B3GLCT: variants seen among roughly 807,000 people sequenced by gnomAD.
B3GLCT encodes the protein beta-1,3-glucosyltransferase.
Under a neutral mutation model 63.4 loss-of-function variants are expected in B3GLCT, and 65 were observed. The ratio of observed to expected loss-of-function variants is 1.03; its 90% confidence interval spans 0.84 to 1.26. The LOEUF is 1.26. Ranked by LOEUF, B3GLCT falls within the 50% of genes most tolerant of loss-of-function variation. The pLI, the probability that B3GLCT is intolerant of heterozygous loss-of-function variation, is 0.00. For synonymous variants in B3GLCT, 233 were observed against 219.2 expected (o/e 1.06, Z -0.55); for missense variants, 577 against 604.8 (o/e 0.95, Z 0.48).
chr13:31,326,475 G>A (rs1875630326), intron 14 of B3GLCT, among the ~76,000 whole-genome samples: 1 of 151,774 alleles, frequency 6.6e-6, no homozygotes, highest in Non-Finnish European at 1.5e-5. Context: ...GTAGAGACGG[G>A]ATTTCATGTG....
Position 31,253,618 on chromosome 13 carries a change from A to AAAAAAAAAAAAACAAAC in B3GLCT, c.459+5655_459+5656insAAAAAAAAACAAACAAA, listed in dbSNP as rs1555249042. Among the ~76,000 whole-genome samples the AAAAAAAAAAAAACAAAC allele has an allele frequency of 5.0e-4, 41 of 82,310 alleles. 8 individuals carry two copies. The highest frequency in any genetic ancestry group is 1.8e-3 in the East Asian group (3 of 1,632). The allele number at this position is 82,310 out of a possible 152,430, so 54.0% of individuals were successfully genotyped here. A position where few individuals can be genotyped will look rare whatever the true frequency, so the allele number is the denominator to read the frequency against. ...CTCAAAAAAAAAAAAAAAAAAAAAA[A>AAAAAAAAAAAAACAAAC]AAACTAGAGAAGCAAGAGCAAGCAA... On this transcript the variant is annotated intron_variant, in intron 6 of 14. Coordinates refer to ENST00000343307, the MANE Select transcript of B3GLCT (RefSeq NM_194318.4).
intron 1 of B3GLCT, among the ~76,000 whole-genome samples, chr13:31,206,764 C>T (rs916417992): frequency 5.3e-5 from 8 of 151,994 alleles, no homozygotes; most frequent in Middle Eastern, 3.4e-3. Flanking sequence ...AAAAGATGAT[C>T]GGTGGTTGTT....
chr13:31,267,851 CTTTT>C (rs745334847), intron 7 of B3GLCT, among the ~76,000 whole-genome samples: 1 of 143,670 alleles, frequency 7.0e-6, no homozygotes, highest in Admixed American at 7.0e-5. Context: ...TTGTTTCTTT[CTTTT>C]TTTTTTTTTC....
chr13:31,207,287 A>ATT (rs71192685), intron 1 of B3GLCT, among the ~76,000 whole-genome samples: 17 of 148,864 alleles, frequency 1.1e-4, no homozygotes, highest in Middle Eastern at 3.4e-3. Context: ...TAAACTGCTA[A>ATT]TTTTTTTTTT....
At chr13:31,249,452 G>A (rs9315120) in intron 6 of B3GLCT, among the ~76,000 whole-genome samples, 48,377 of 152,000 alleles carry the variant, frequency 0.32, 8,816 homozygotes, top group Non-Finnish European at 0.42. Flanking sequence ...CATTTGTTAG[G>A]CTTTTATGTT....
chr13:31,281,146 A>G (rs964993062), intron 10 of B3GLCT, among the ~76,000 whole-genome samples: 2 of 152,118 alleles, frequency 1.3e-5, no homozygotes, highest in African/African-American at 2.4e-5. Context: ...TGTTCATCAA[A>G]TGGTGGGTTG....
intron 2 of B3GLCT, among the ~76,000 whole-genome samples, chr13:31,217,843 T>C (rs951746506): frequency 6.6e-6 from 1 of 152,226 alleles, no homozygotes; most frequent in Admixed American, 6.5e-5. Context: ...CCTTGAAATA[T>C]AGTTTGAAGT....
chr13:31,248,538 G>T (rs1462608833), intron 6 of B3GLCT, among the ~76,000 whole-genome samples: 1 of 152,132 alleles, frequency 6.6e-6, no homozygotes, highest in African/African-American at 2.4e-5. Flanking sequence ...AACCTGGGAG[G>T]GTCAGGACAG....
chr13:31,268,240 TAAAA>T (rs1050815718), intron 7 of B3GLCT, among the ~76,000 whole-genome samples: 1 of 152,176 alleles, frequency 6.6e-6, no homozygotes, highest in Non-Finnish European at 1.5e-5. Context: ...TATAAATAAA[TAAAA>T]AACCATATGG....
chr13:31,213,827 TTGTATAA>T (rs1869419264), intron 1 of B3GLCT, among the ~76,000 whole-genome samples: 1 of 152,080 alleles, frequency 6.6e-6, no homozygotes, highest in African/African-American at 2.4e-5. Context: ...TGGGGAGGCC[TTGTATAA>T]TGTCTACTGT....
chr13:31,222,532 A>G (rs540199113), intron 2 of B3GLCT, among the ~76,000 whole-genome samples: 1 of 152,316 alleles, frequency 6.6e-6, no homozygotes, highest in Non-Finnish European at 1.5e-5. Flanking sequence ...TAATTAGTAG[A>G]ACTTATCTTC....
At chr13:31,243,922 A>G (rs1405796404) in intron 4 of B3GLCT, among the ~76,000 whole-genome samples, 2 of 152,188 alleles carry the variant, frequency 1.3e-5, no homozygotes, top group Non-Finnish European at 2.9e-5. Flanking sequence ...TCTGTCATTT[A>G]TCCATATTTG....
At chr13:31,200,599 C>A (rs1868604808) in intron 1 of B3GLCT, among the ~76,000 whole-genome samples, 1 of 151,522 alleles carries the variant, frequency 6.6e-6, no homozygotes, top group Admixed American at 6.6e-5. Flanking sequence ...CCGTCCTGCG[C>A]GCCCCGCGCC....
intron 4 of B3GLCT, among the ~76,000 whole-genome samples, chr13:31,245,548 C>CATAA (rs1249603163): frequency 1.3e-5 from 2 of 152,056 alleles, no homozygotes; most frequent in Non-Finnish European, 1.5e-5. Flanking sequence ...TTCTATTAAA[C>CATAA]ATAAAGACAT....
rs533265700 is a variant in B3GLCT at position 31,207,479 on chromosome 13, G to T, written c.70+7325G>T. Among the ~76,000 whole-genome samples the T allele has an allele frequency of 1.8e-4, 28 of 152,146 alleles. No homozygotes were observed. In the South Asian group the frequency reaches 2.9e-3, roughly 16 times the overall value. ...TCTGGTTTGCATATCCTGAGTGACG[G>T]TTTTTAAACAAGATGCAAATCAAAG... On this transcript the variant is annotated intron_variant, in intron 1 of 14. Transcript: ENST00000343307.
At chr13:31,229,523 A>T (rs1308667030) in intron 4 of B3GLCT, among the ~76,000 whole-genome samples, 1 of 152,148 alleles carries the variant, frequency 6.6e-6, no homozygotes, top group Non-Finnish European at 1.5e-5. Context: ...AGGTGGGCGG[A>T]TCCCTTGACG....
At chr13:31,226,929 C>A (rs1313054522) in intron 3 of B3GLCT, among the ~76,000 whole-genome samples, 1 of 152,102 alleles carries the variant, frequency 6.6e-6, no homozygotes, top group Non-Finnish European at 1.5e-5. Flanking sequence ...TAACCATTAT[C>A]CTGATTTGGT....
At chr13:31,325,532 A>T (rs1426365033) in intron 14 of B3GLCT, among the ~76,000 whole-genome samples, 1 of 152,216 alleles carries the variant, frequency 6.6e-6, no homozygotes, top group African/African-American at 2.4e-5. Context: ...AATCATCTAT[A>T]GGCAAAAGTC....
In B3GLCT at chr13:31,286,822, A is replaced by G. The variant is rs775363469; in HGVS notation, c.1064+3A>G. 1 of 1,592,330 alleles carries G rather than the reference A, an allele frequency of 6.3e-7. No homozygotes were observed. The highest frequency in any genetic ancestry group is 8.6e-7 in the Non-Finnish European group (1 of 1,161,152). ...GTGGATGATGATACATTAATAAGGTAAGGAGTCATTCTCATCCTAAATGGC... is the reference window on the plus strand; with the variant it reads ...GTGGATGATGATACATTAATAAGGTGAGGAGTCATTCTCATCCTAAATGGC... On this transcript the variant is annotated splice_donor_region_variant and intron_variant, in intron 12 of 14. Transcript: ENST00000343307.
Sources: allele counts gnomAD v4.1 joint callset (sites outside exome capture counted in the v4.1 genomes callset), GRCh38; gene constraint gnomAD v4.1.1; transcripts MANE v1.5; gene names NCBI Gene and HGNC (gene_info 2026-07-23, HGNC 2026-07-21).